Variants in ZMIZ1 observed in about 807,000 individuals in gnomAD.
ZMIZ1 encodes zinc finger MIZ domain-containing protein 1.
A neutral mutation model predicts 113.9 loss-of-function variants in ZMIZ1; 17 were observed. The ratio of observed to expected loss-of-function variants is 0.15; its 90% confidence interval spans 0.10 to 0.22. ZMIZ1 has a LOEUF of 0.22. Ranked by LOEUF, ZMIZ1 falls within the 10% of genes least tolerant of loss-of-function variation. The pLI is 1.00. For missense variants in ZMIZ1, 1,059 were observed against 1,477.8 expected (o/e 0.72, Z 4.65); for synonymous variants, 607 against 603.1 (o/e 1.01, Z -0.09).
intron 22 of ZMIZ1, among the ~76,000 whole-genome samples, chr10:79,306,551 G>C (rs1350919448): frequency 6.6e-6 from 1 of 152,104 alleles, no homozygotes; most frequent in African/African-American, 2.4e-5. Context: ...GCCCTGGTGG[G>C]AGATAGACTG....
chr10:79,111,817 G>A (rs1843753737), intron 1 of ZMIZ1, among the ~76,000 whole-genome samples: 1 of 152,248 alleles, frequency 6.6e-6, no homozygotes, highest in Non-Finnish European at 1.5e-5. Context: ...CAGGTGTGAT[G>A]TAGGTTAGCC....
At chr10:79,108,286 G>A (rs535622528) in intron 1 of ZMIZ1, among the ~76,000 whole-genome samples, 1 of 152,332 alleles carries the variant, frequency 6.6e-6, no homozygotes, top group East Asian at 1.9e-4. Flanking sequence ...CAGGGGAAGT[G>A]AGGCTGGGAG....
chr10:79,093,430 G>A (rs1287047149), intron 1 of ZMIZ1, among the ~76,000 whole-genome samples: 4 of 151,928 alleles, frequency 2.6e-5, no homozygotes, highest in Non-Finnish European at 5.9e-5. Flanking sequence ...GGGTTCAAGC[G>A]ATTCTCCGGC....
chr10:79,120,321 C>G (rs777444098), intron 2 of ZMIZ1, among the ~76,000 whole-genome samples: 1 of 152,222 alleles, frequency 6.6e-6, no homozygotes, highest in Non-Finnish European at 1.5e-5. Context: ...TACACACATA[C>G]ACGGGCACAA....
At chr10:79,259,751 GA>G (rs1456209005) in intron 7 of ZMIZ1, among the ~76,000 whole-genome samples, 2 of 152,098 alleles carry the variant, frequency 1.3e-5, no homozygotes, top group East Asian at 3.9e-4. Flanking sequence ...CAGTAGCTGG[GA>G]TTACAGGCTC....
At chr10:79,175,822 A>G (rs1846834932) in intron 4 of ZMIZ1, among the ~76,000 whole-genome samples, 1 of 151,960 alleles carries the variant, frequency 6.6e-6, no homozygotes, top group Non-Finnish European at 1.5e-5. Context: ...TCCTGGCTGC[A>G]GCAAACCCTC....
intron 7 of ZMIZ1, among the ~76,000 whole-genome samples, chr10:79,273,041 C>A (rs958880352): frequency 6.6e-6 from 1 of 152,184 alleles, no homozygotes; most frequent in Non-Finnish European, 1.5e-5. Flanking sequence ...CAGCTCAGCA[C>A]CTGCTTGATA....
chr10:79,203,423 A>G (rs569161430), intron 5 of ZMIZ1, among the ~76,000 whole-genome samples: 143 of 151,098 alleles, frequency 9.5e-4, no homozygotes, highest in African/African-American at 3.4e-3. Flanking sequence ...AGACGCCAAG[A>G]CTCCCTCCTC....
chr10:79,233,671 C>T (rs1849482278), intron 7 of ZMIZ1, among the ~76,000 whole-genome samples: 1 of 152,182 alleles, frequency 6.6e-6, no homozygotes, highest in African/African-American at 2.4e-5. Context: ...TTTTTCCCCT[C>T]CTGGAGAGCG....
At chr10:79,285,639 GGTTT>G in intron 8 of ZMIZ1, 1 of 449,262 alleles carries the variant, frequency 2.2e-6, no homozygotes, top group Non-Finnish European at 4.5e-6. Context: ...GCAGAGAGGT[GGTTT>G]CTCCCTGGCA....
chr10:79,284,479 T>C (rs1187374528), intron 8 of ZMIZ1, among the ~76,000 whole-genome samples: 4 of 152,346 alleles, frequency 2.6e-5, no homozygotes, highest in South Asian at 2.1e-4. Context: ...GCTCCTCCCA[T>C]TGGTAGCATA....
chr10:79,288,487 G>A (rs1056098708), intron 8 of ZMIZ1, among the ~76,000 whole-genome samples: 56 of 152,042 alleles, frequency 3.7e-4, no homozygotes, highest in African/African-American at 1.2e-3. Flanking sequence ...CCTGTTGCCC[G>A]GCCCTTCTCC....
At chr10:79,291,874 TG>T (rs1262683148) in intron 10 of ZMIZ1, among the ~76,000 whole-genome samples, 1 of 152,194 alleles carries the variant, frequency 6.6e-6, no homozygotes, top group Admixed American at 6.5e-5. Flanking sequence ...TGCAGGGCCT[TG>T]GGCAAGTTGC....
intron 7 of ZMIZ1, among the ~76,000 whole-genome samples, chr10:79,243,127 C>A (rs1025808286): frequency 3.6e-4 from 54 of 151,666 alleles, no homozygotes; most frequent in African/African-American, 1.3e-3. Context: ...TCCCCTCCCC[C>A]CGCCGCGGCT....
chr10:79,101,034 G>A (rs929852840), intron 1 of ZMIZ1, among the ~76,000 whole-genome samples: 4 of 152,196 alleles, frequency 2.6e-5, no homozygotes, highest in Non-Finnish European at 4.4e-5. Context: ...AAGGAAGAGG[G>A]TGGAGCTGAT....
In ZMIZ1 at chr10:79,110,883, G is replaced by A. The variant is rs566092641; in HGVS notation, c.-336-8032G>A. On this transcript the variant is annotated intron_variant, in intron 1 of 24. Transcript: ENST00000334512. ...GAACTTCATGACCAATGGACCTGAA[G>A]TCTGGAAGCACAGATGATACCTCAT... 2.0e-4 allele frequency among the ~76,000 whole-genome samples: 31 copies of A among 152,372 alleles called. No homozygotes were observed. In the South Asian group the frequency reaches 6.4e-3, roughly 32 times the overall value.
intron 11 of ZMIZ1, chr10:79,292,679 G>T (rs760533460): frequency 3.9e-5 from 19 of 488,768 alleles, no homozygotes; most frequent in Non-Finnish European, 6.3e-5. Context: ...ACTCACCAAG[G>T]AGTGGGCTCA....
Position 79,145,754 on chromosome 10 carries a change from G to T in ZMIZ1, c.-131+5977G>T, listed in dbSNP as rs1369347719. Among the ~76,000 whole-genome samples the T allele has an allele frequency of 3.9e-5, 6 of 152,162 alleles. No individual in the cohort carries two copies. The East Asian group carries it at 1.2e-3, about 29-fold the overall frequency. On this transcript the variant is annotated intron_variant, in intron 3 of 24. Coordinates refer to ENST00000334512, the MANE Select transcript of ZMIZ1 (RefSeq NM_020338.4). Reference sequence around the variant, plus strand: ...TTCTTAAGAGACAAGGTCTTGCTTTGTCACCCAGGGTGGAGTGCAGTGGCT... The same window carrying T: ...TTCTTAAGAGACAAGGTCTTGCTTTTTCACCCAGGGTGGAGTGCAGTGGCT...
intron 7 of ZMIZ1, among the ~76,000 whole-genome samples, chr10:79,218,170 A>G (rs990258489): frequency 6.6e-6 from 1 of 152,168 alleles, no homozygotes; most frequent in Non-Finnish European, 1.5e-5. Context: ...GGTTCCACGA[A>G]AACTTTATTT....
Sources: gnomAD v4.1 joint callset for allele counts (sites outside exome capture counted in the v4.1 genomes callset) on GRCh38, gnomAD v4.1.1 for gene constraint, MANE v1.5 for transcripts, NCBI Gene and HGNC (gene_info 2026-07-23, HGNC 2026-07-21) for gene names.